The following ATP10B variants were observed in gnomAD, a reference collection of about 807,000 sequenced individuals.
ATP10B encodes ATPase phospholipid transporting 10B (putative).
In ATP10B, 122 loss-of-function variants were observed where a neutral mutation model predicts 141.2. The observed-to-expected ratio is 0.86, with a 90% CI of 0.75 to 1.00. The LOEUF (loss-of-function observed/expected upper bound fraction) is 1.00, where lower values mean the gene tolerates loss of function less well. ATP10B is among the 50% of genes least tolerant of loss of function. ATP10B has a pLI of 0.00. For missense variants in ATP10B, 1,876 were observed against 1,825.3 expected, an observed-to-expected ratio of 1.03 and a Z score of -0.51; for synonymous variants, 685 against 692.0, an observed-to-expected ratio of 0.99 and a Z score of 0.16.
At chr5:160,861,745 G>T in the ATP10B span, among the ~76,000 whole-genome samples, 2 of 151,770 alleles carry the variant, frequency 1.3e-5, no homozygotes, top group Admixed American at 1.3e-4. Context: ...ATACCTTTTC[G>T]AATCAGGGCT....
intron 1 of ATP10B, among the ~76,000 whole-genome samples, chr5:160,838,411 C>T (rs1775597044): frequency 6.6e-6 from 1 of 152,174 alleles, no homozygotes; most frequent in Non-Finnish European, 1.5e-5. Context: ...GCAGGGCCAA[C>T]CACTTGCATC....
At chr5:160,864,792 A>C in the ATP10B span, among the ~76,000 whole-genome samples, 1 of 152,012 alleles carries the variant, frequency 6.6e-6, no homozygotes, top group East Asian at 1.9e-4. Context: ...ATTAAGAATC[A>C]AATCGAAAAC....
chr5:160,744,193 C>G (rs1365237736), intron 2 of ATP10B, among the ~76,000 whole-genome samples: 1 of 152,142 alleles, frequency 6.6e-6, no homozygotes, highest in Non-Finnish European at 1.5e-5. Flanking sequence ...CCAGCAGTGC[C>G]TTTGCAAATC....
chr5:160,598,605 G>C (rs73819454), intron 22 of ATP10B, among the ~76,000 whole-genome samples, 165 bp downstream of exon 22: 13 of 152,038 alleles, frequency 8.6e-5, no homozygotes, highest in Admixed American at 1.3e-4. Context: ...AGTAAGAAAC[G>C]GGTCAGGAAA....
At chr5:160,738,157 T>G (rs941547489) in intron 2 of ATP10B, among the ~76,000 whole-genome samples, 6 of 152,086 alleles carry the variant, frequency 3.9e-5, no homozygotes, top group Non-Finnish European at 7.4e-5. Context: ...TCTTAAGTAT[T>G]TGAAAATTAA....
chr5:160,761,531 C>T (rs1001031371), intron 2 of ATP10B, among the ~76,000 whole-genome samples: 1 of 152,202 alleles, frequency 6.6e-6, no homozygotes, highest in African/African-American at 2.4e-5. Context: ...CTAGAGAAAG[C>T]AGGAGAGCAC....
Position 160,604,060 on chromosome 5 carries a change from C to A in ATP10B, c.3161-19G>T, listed in dbSNP as rs187366939. ...CCATCACCTGAAAGAGAGGTCATAA[C>A]GTGTCTTTATTTTTGGTCCAACTGC... On this transcript the variant is annotated intron_variant, in intron 19 of 25. Transcript: ENST00000327245. 1.2e-6 allele frequency: 2 copies of A among 1,609,774 alleles called. No homozygotes were observed. Among genetic ancestry groups the A allele is most frequent in the Non-Finnish European group, 1.7e-6 (2 of 1,176,586 alleles).
At chr5:160,897,619 G>A in the ATP10B span, among the ~76,000 whole-genome samples, 1 of 152,146 alleles carries the variant, frequency 6.6e-6, no homozygotes, top group South Asian at 2.1e-4. Flanking sequence ...ACTGCCCAAA[G>A]TAGTTTATAG....
intron 24 of ATP10B, among the ~76,000 whole-genome samples, chr5:160,570,628 A>G (rs978153182): frequency 1.1e-4 from 16 of 152,154 alleles, no homozygotes; most frequent in African/African-American, 3.9e-4. Context: ...TAATTCTGTC[A>G]TCTTTTAAAA....
intron 11 of ATP10B, 77 bp from the exon 12 acceptor site, chr5:160,634,683 AG>A (rs1759223740): frequency 1.5e-5 from 22 of 1,483,212 alleles, no homozygotes; most frequent in Non-Finnish European, 4.5e-6. Context: ...CAGGTAGCAA[AG>A]GCATTTCATA....
At chr5:160,871,677 G>A in the ATP10B span, among the ~76,000 whole-genome samples, 1 of 152,102 alleles carries the variant, frequency 6.6e-6, no homozygotes, top group Non-Finnish European at 1.5e-5. Context: ...ATCTCATTCA[G>A]GTCACTGCAA....
At chr5:160,615,992 A>G in intron 16 of ATP10B, 28 bp from the exon 17 acceptor site, 2 of 1,593,604 alleles carry the variant, frequency 1.3e-6, no homozygotes, top group Non-Finnish European at 1.7e-6. Context: ...GCTCCTTAAC[A>G]ATCTTGGGTG....
chr5:160,593,531 G>A (rs1017122269), intron 22 of ATP10B, among the ~76,000 whole-genome samples: 3 of 152,240 alleles, frequency 2.0e-5, no homozygotes, highest in Non-Finnish European at 2.9e-5. Context: ...CCAAAGGAAC[G>A]TAGTTCCTCA....
In ATP10B at chr5:160,716,987, T is replaced by C; in HGVS notation, c.-283A>G. The C allele has an allele frequency of 1.0e-6, 1 of 985,406 alleles. No individual in the cohort carries two copies. Among genetic ancestry groups the C allele is most frequent in the South Asian group, 4.7e-5 (1 of 21,288 alleles). 61.0% of individuals were successfully genotyped at this position (985,406 alleles called of 1,614,324 possible). ...TACAGCCACAGGAAGAGGGGGCAGA[T>C]GTAGTACTTTAGCTGGGCAAATTGT... On this transcript the variant is annotated 5_prime_UTR_variant, in exon 3 of 26. Transcript: ENST00000327245.
Position 160,636,204 on chromosome 5 carries a change from A to G in ATP10B, c.1106T>C (p.Leu369Pro), listed in dbSNP as rs1759355255. 6.2e-7 allele frequency: 1 copy of G among 1,611,348 alleles called. No homozygotes were observed. Among genetic ancestry groups the G allele is most frequent in the African/African-American group, 1.3e-5 (1 of 74,834 alleles). Reference protein sequence around the residue: ...PSALGGFYMFLTMIILLQVLI... With the variant: ...PSALGGFYMFPTMIILLQVLI... Reference sequence around the variant, plus strand: ...TACCTGGAGCAGGATGATCATTGTGAGGAACATGTAGAAGCCCCCAAGGGC... The same window carrying G: ...TACCTGGAGCAGGATGATCATTGTGGGGAACATGTAGAAGCCCCCAAGGGC... The change falls in exon 11 of 26, where the codon CTC becomes CCC. Residue 369 changes from leucine to proline, a missense_variant. Coordinates refer to ENST00000327245, the MANE Select transcript of ATP10B (RefSeq NM_025153.3).
At chr5:160,842,014 C>T (rs1026038708) in intron 1 of ATP10B, among the ~76,000 whole-genome samples, 14 of 152,256 alleles carry the variant, frequency 9.2e-5, no homozygotes, top group African/African-American at 2.9e-4. Context: ...CATGAGCCAT[C>T]GCGCCCGGCC....
Position 160,588,683 on chromosome 5 carries a change from T to G in ATP10B, c.3750+909A>C, listed in dbSNP as rs138818889. ...TTATTGCATCTGCCATATTTCTAAA[T>G]CTGTAAAATGGGAATATAAAAACAC... On this transcript the variant is annotated intron_variant, in intron 24 of 25. Transcript: ENST00000327245. Among the ~76,000 whole-genome samples the G allele has an allele frequency of 5.9e-5, 9 of 152,224 alleles. No homozygotes were observed. In the East Asian group the frequency reaches 1.7e-3, roughly 29 times the overall value.
the ATP10B span, among the ~76,000 whole-genome samples, chr5:160,883,373 T>C: frequency 1.3e-5 from 2 of 152,176 alleles, no homozygotes; most frequent in Admixed American, 1.3e-4. Flanking sequence ...ACTACAGGGC[T>C]GAGACTAAAT....
intron 1 of ATP10B, among the ~76,000 whole-genome samples, chr5:160,789,898 A>G (rs1413220314): frequency 6.6e-6 from 1 of 152,200 alleles, no homozygotes; most frequent in Non-Finnish European, 1.5e-5. Context: ...TCAATCAACA[A>G]TGTATTCATT....
Sources: allele counts gnomAD v4.1 joint callset (sites outside exome capture counted in the v4.1 genomes callset), GRCh38; gene constraint gnomAD v4.1.1; transcripts MANE v1.5; gene names NCBI Gene and HGNC (gene_info 2026-07-23, HGNC 2026-07-21).